The following PRKCH variants were observed in gnomAD, a reference collection of about 807,000 sequenced individuals.
PRKCH encodes the protein protein kinase C eta type.
Under a neutral mutation model 82.5 loss-of-function variants are expected in PRKCH, and 28 were observed. The observed-to-expected ratio is 0.34, with a 90% CI of 0.25 to 0.47. PRKCH has a LOEUF of 0.47. Among genes scored for constraint, PRKCH ranks in the 20% least tolerant of loss-of-function variants. PRKCH has a pLI of 1.00. For synonymous variants in PRKCH, 322 were observed against 327.4 expected (o/e 0.98, Z 0.18); for missense variants, 705 against 881.8 (o/e 0.80, Z 2.54).
intron 4 of PRKCH, 27 bp from the exon 5 acceptor site, chr14:61,449,137 G>A (rs746509540): frequency 6.3e-7 from 1 of 1,598,978 alleles, no homozygotes; most frequent in African/African-American, 1.3e-5. Flanking sequence ...TCTGATAAAT[G>A]TATAATTGCT....
intron 10 of PRKCH, among the ~76,000 whole-genome samples, chr14:61,503,605 G>A (rs2139956759): frequency 6.6e-6 from 1 of 152,272 alleles, no homozygotes; most frequent in Admixed American, 6.5e-5. Flanking sequence ...CAGGTTCCCA[G>A]CATTTCTCGG....
intron 1 of PRKCH, among the ~76,000 whole-genome samples, chr14:61,240,587 C>G (rs189585328): frequency 1.6e-4 from 24 of 152,130 alleles, no homozygotes; most frequent in Admixed American, 1.2e-3. Context: ...GTTTTTCAAG[C>G]CTCTTTCGGT....
rs534932813 is a variant in PRKCH at position 61,428,187 on chromosome 14, C to T, written c.428-14924C>T. Among the ~76,000 whole-genome samples the T allele has an allele frequency of 9.1e-4, 138 of 150,932 alleles. 2 individuals are homozygous for T. Among genetic ancestry groups the T allele is most frequent in the African/African-American group, 3.1e-3 (125 of 40,688 alleles). Reference sequence around the variant, plus strand: ...GGTTGAGTTGGTATTTTTGTAGAGACAGGGTTTCACCATGTTACCCAGACT... The same window carrying T: ...GGTTGAGTTGGTATTTTTGTAGAGATAGGGTTTCACCATGTTACCCAGACT... On this transcript the variant is annotated intron_variant, in intron 2 of 13. Coordinates refer to ENST00000332981, the MANE Select transcript of PRKCH (RefSeq NM_006255.5).
At chr14:61,189,502 A>ATCTCTC (rs34112120) in intron 1 of PRKCH, among the ~76,000 whole-genome samples, 1,629 of 147,062 alleles carry the variant, frequency 0.011, 24 homozygotes, top group African/African-American at 0.038. Flanking sequence ...CTGAAATGTT[A>ATCTCTC]TCTCTCTCTC....
intron 9 of PRKCH, among the ~76,000 whole-genome samples, chr14:61,469,651 C>G (rs1487303095): frequency 6.6e-6 from 1 of 152,206 alleles, no homozygotes; most frequent in African/African-American, 2.4e-5. Flanking sequence ...GTAATATGTT[C>G]TAGTTTTTAA....
At chr14:61,323,038 A>G (rs1057142931) in intron 1 of PRKCH, among the ~76,000 whole-genome samples, 2 of 152,004 alleles carry the variant, frequency 1.3e-5, no homozygotes, top group Non-Finnish European at 2.9e-5. Flanking sequence ...ATTATTTAGC[A>G]TTTTTCCAAG....
At chr14:61,206,565 A>T (rs2044525842) in intron 1 of PRKCH, among the ~76,000 whole-genome samples, 1 of 152,144 alleles carries the variant, frequency 6.6e-6, no homozygotes, top group South Asian at 2.1e-4. Context: ...AACCCACTAT[A>T]GGGGGGAACA....
intron 1 of PRKCH, among the ~76,000 whole-genome samples, chr14:61,351,211 G>C (rs542174230): frequency 6.6e-6 from 1 of 152,216 alleles, no homozygotes; most frequent in Admixed American, 6.5e-5. Flanking sequence ...GTGTGCTGAT[G>C]CAGAACCACA....
intron 1 of PRKCH, among the ~76,000 whole-genome samples, chr14:61,224,161 A>G (rs796325421): frequency 8.5e-5 from 13 of 152,270 alleles, no homozygotes; most frequent in African/African-American, 2.6e-4. Flanking sequence ...TTTCTTATCT[A>G]TCCTTGCAGT....
rs1884488423 is a variant in PRKCH at position 61,451,075 on chromosome 14, A to C, written c.832+104A>C. 1.5e-6 allele frequency: 2 copies of C among 1,352,882 alleles called. 1 individual carries two copies. The highest frequency in any genetic ancestry group is 3.3e-5 in the South Asian group (2 of 59,986). 83.8% of individuals were successfully genotyped at this position (1,352,882 alleles called of 1,614,324 possible). On this transcript the variant is annotated intron_variant, in intron 6 of 13. Transcript: ENST00000332981. ...AATCTGTCCTAGAACTGATGGTTTTAGATATGTTGTAAATCAACATCTTAG... is the reference window on the plus strand; with the variant it reads ...AATCTGTCCTAGAACTGATGGTTTTCGATATGTTGTAAATCAACATCTTAG...
At position 61,525,256 on chromosome 14, in the gene PRKCH, T is replaced by A. The variant is rs1110192; in HGVS notation, c.1434-3819T>A. The A allele has an allele frequency of 0.021, 3,132 of 152,374 alleles. 203 individuals carry two copies. The East Asian group carries it at 0.26, about 13-fold the overall frequency. 9.4% of individuals were successfully genotyped at this position (152,374 alleles called of 1,614,324 possible). A position where few individuals can be genotyped will look rare whatever the true frequency, so the allele number is the denominator to read the frequency against. ...GAGATACTTGGGCTGAGGGCAGCAC[T>A]GGTAGCCTGGAATTACATTATGCTC... On this transcript the variant is annotated intron_variant, in intron 10 of 13. Coordinates refer to ENST00000332981, the MANE Select transcript of PRKCH (RefSeq NM_006255.5).
intron 2 of PRKCH, among the ~76,000 whole-genome samples, chr14:61,395,805 C>T (rs556087765): frequency 6.6e-6 from 1 of 152,210 alleles, no homozygotes; most frequent in Non-Finnish European, 1.5e-5. Context: ...TATGGCCAGG[C>T]GTGGTGTCTC....
intron 1 of PRKCH, among the ~76,000 whole-genome samples, chr14:61,367,817 C>T (rs1441936748): frequency 6.6e-6 from 1 of 151,442 alleles, no homozygotes; most frequent in Non-Finnish European, 1.5e-5. Context: ...CAGGTTCACG[C>T]CATTCTCCTG....
At chr14:61,401,141 G>T (rs138282375) in intron 2 of PRKCH, among the ~76,000 whole-genome samples, 294 of 152,296 alleles carry the variant, frequency 1.9e-3, no homozygotes, top group African/African-American at 6.4e-3. Flanking sequence ...CAGGAAAGGT[G>T]CAGCATTCTC....
intron 1 of PRKCH, among the ~76,000 whole-genome samples, chr14:61,374,112 T>C (rs1400636805): frequency 6.6e-6 from 1 of 152,144 alleles, no homozygotes; most frequent in Non-Finnish European, 1.5e-5. Flanking sequence ...ACAGGCCCCA[T>C]GCAAGTCCAA....
chr14:61,515,453 C>T (rs1396837066), intron 10 of PRKCH, among the ~76,000 whole-genome samples: 1 of 152,206 alleles, frequency 6.6e-6, no homozygotes, highest in Non-Finnish European at 1.5e-5. Context: ...TGAACCTCAA[C>T]TTAAACCAGC....
chr14:61,357,285 C>T (rs886301971), intron 1 of PRKCH, among the ~76,000 whole-genome samples: 6 of 152,192 alleles, frequency 3.9e-5, no homozygotes, highest in Non-Finnish European at 8.8e-5. Flanking sequence ...CCTCTCCACC[C>T]GCCTCACTCT....
In PRKCH at chr14:61,494,551, C is replaced by T. The variant is rs78015158; in HGVS notation, c.1433+8895C>T. On this transcript the variant is annotated intron_variant, in intron 10 of 13. Coordinates refer to ENST00000332981, the MANE Select transcript of PRKCH (RefSeq NM_006255.5). Reference sequence around the variant, plus strand: ...GAATGCCCCTAGCCCTTTGGCCCATCTGTACAGTGGAGGTGCCATTGACAC... The same window carrying T: ...GAATGCCCCTAGCCCTTTGGCCCATTTGTACAGTGGAGGTGCCATTGACAC... Among the ~76,000 whole-genome samples, 52 of 152,352 alleles carry T rather than the reference C, an allele frequency of 3.4e-4. 1 individual carries two copies. The East Asian group carries it at 9.4e-3, about 28-fold the overall frequency.
intron 1 of PRKCH, among the ~76,000 whole-genome samples, chr14:61,381,942 A>C (rs1411209707): frequency 6.6e-6 from 1 of 152,198 alleles, no homozygotes; most frequent in Non-Finnish European, 1.5e-5. Context: ...TCTTCCCAGC[A>C]TCTGAATGTT....
Sources: gnomAD v4.1 joint callset for allele counts (sites outside exome capture counted in the v4.1 genomes callset) on GRCh38, gnomAD v4.1.1 for gene constraint, MANE v1.5 for transcripts, NCBI Gene and HGNC (gene_info 2026-07-23, HGNC 2026-07-21) for gene names.